Variants in MMP9 observed in about 807,000 individuals in gnomAD.
MMP9 encodes the protein matrix metalloproteinase-9.
MMP9 carries 73 observed loss-of-function variants against 76.4 expected under a neutral mutation model. The observed-to-expected ratio is 0.96, with a 90% CI of 0.79 to 1.16. MMP9 has a LOEUF of 1.16. Among genes scored for constraint, MMP9 ranks in the 50% most tolerant of loss-of-function variants. The pLI is 0.00. For synonymous variants in MMP9, 412 were observed against 408.4 expected (o/e 1.01, Z -0.11); for missense variants, 943 against 973.0 (o/e 0.97, Z 0.41).
At position 46,014,215 on chromosome 20, in the gene MMP9, C is replaced by T. The variant is rs1600577067; in HGVS notation, c.1842C>T (p.Thr614=). ...TGGGAGCCGACGTGGCCCAGGTGAC[C>T]GGGGCCCTCCGGAGTGGCAGGGGGA... The part of the protein sequence containing the change: ...LGLGADVAQV[T]GALRSGRGKM... The change falls in exon 11 of 13, where the codon ACC becomes ACT. Residue 614 remains threonine (T), a synonymous_variant. Coordinates refer to ENST00000372330, the MANE Select transcript of MMP9 (RefSeq NM_004994.3). The T allele has an allele frequency of 2.0e-6, 3 of 1,509,692 alleles. No individual in the cohort carries two copies. The highest frequency in any genetic ancestry group is 2.7e-6 in the Non-Finnish European group (3 of 1,127,822). The allele number at this position is 1,509,692 out of a possible 1,614,324, so 93.5% of individuals were successfully genotyped here.
rs1386256475 is a variant in MMP9 at position 46,011,176 on chromosome 20, C to G, written c.683C>G (p.Ala228Gly). The stretch of plus-strand genomic sequence containing the variant: ...ACTCGGTTTGGAAACGCAGATGGCG[C>G]GGCCTGCCACTTCCCCTTCATCTTC... Reference protein sequence around the residue: ...VPTRFGNADGAACHFPFIFEG... With the variant: ...VPTRFGNADGGACHFPFIFEG... The change falls in exon 5 of 13, where the codon GCG (alanine) becomes GGG (glycine). Residue 228 changes from alanine (A) to glycine (G), a missense_variant. Transcript: ENST00000372330. The G allele has an allele frequency of 6.2e-7, 1 of 1,614,140 alleles. No homozygotes were observed. Among genetic ancestry groups the G allele is most frequent in the Non-Finnish European group, 8.5e-7 (1 of 1,180,044 alleles).
rs1423148325 is a variant in MMP9, at chr20:46,013,711, T to C, written c.1665T>C (p.Leu555=). Residue 555 remains leucine, a synonymous_variant, in exon 10 of 13, where the codon CTT becomes CTC. Coordinates refer to ENST00000372330, the MANE Select transcript of MMP9 (RefSeq NM_004994.3). This position sits in a 1 kb window ranked among gnomAD's most constrained non-coding sequence, Gnocchi z 4.5. ...GRGSRPQGPF[L]IADKWPALPR... is the part of the protein sequence containing the mutation. ...GGAGCCGGCCGCAGGGCCCCTTCCT[T>C]ATCGCCGACAAGTGGCCCGCGCTGC... is the stretch of plus-strand genomic sequence containing the variant. 2 of 1,613,580 alleles carry C rather than the reference T, an allele frequency of 1.2e-6. No individual in the cohort carries two copies. Among genetic ancestry groups the C allele is most frequent in the Non-Finnish European group, 8.5e-7 (1 of 1,179,890 alleles).
rs368282794 is a variant in MMP9, at chr20:46,013,278, C to T, written c.1354C>T (p.Arg452Trp). 5 of 1,613,912 alleles carry T rather than the reference C, an allele frequency of 3.1e-6. No individual in the cohort carries two copies. The highest frequency in any genetic ancestry group is 1.7e-5 in the Admixed American group (1 of 59,994). Reference protein sequence around the residue: ...LYGPRPEPEPRPPTTTTPQPT... With the variant: ...LYGPRPEPEPWPPTTTTPQPT... ...AGGTCCTCGCCCTGAACCTGAGCCA[C>T]GGCCTCCAACCACCACCACACCGCA... Residue 452 changes from arginine (R) to tryptophan (W), a missense_variant, in exon 9 of 13, where the codon CGG becomes TGG. By Grantham distance (101) the Arg-to-Trp change is moderately radical. Coordinates refer to ENST00000372330, the MANE Select transcript of MMP9 (RefSeq NM_004994.3). This position sits in a 1 kb window ranked among gnomAD's most constrained non-coding sequence, Gnocchi z 4.5.
intron 1 of MMP9, among the ~76,000 whole-genome samples, 179 bp downstream of exon 1, chr20:46,009,243 G>T (rs1482685640): frequency 6.6e-6 from 1 of 152,138 alleles, no homozygotes; most frequent in Non-Finnish European, 1.5e-5. Context: ...GCTTTGAGCA[G>T]TGATGGCCAG....
intron 10 of MMP9, 51 bp from the exon 11 acceptor site, chr20:46,014,073 G>A (rs1420510006): frequency 5.2e-6 from 8 of 1,533,460 alleles, no homozygotes; most frequent in Non-Finnish European, 7.0e-6. Context: ...CGTTCTAGGA[G>A]TACGTGCTCC....
At position 46,012,421 on chromosome 20, in the gene MMP9, C is replaced by T; in HGVS notation, c.1175-6C>T. 2 of 1,614,084 alleles carry T rather than the reference C, an allele frequency of 1.2e-6. No homozygotes were observed. The highest frequency in any genetic ancestry group is 1.7e-6 in the Non-Finnish European group (2 of 1,179,958). Reference sequence around the variant, plus strand: ...CGCTCACGTCTCAGGCTCCCTCTCCCTCCAGGATACAGTTTGTTCCTCGTG... The same window carrying T: ...CGCTCACGTCTCAGGCTCCCTCTCCTTCCAGGATACAGTTTGTTCCTCGTG... On this transcript the variant is annotated splice_polypyrimidine_tract_variant and splice_region_variant and intron_variant, in intron 7 of 12. Transcript: ENST00000372330.
Position 46,013,712 on chromosome 20 carries a change from A to G in MMP9, c.1666A>G (p.Ile556Val). The G allele has an allele frequency of 1.2e-6, 2 of 1,613,590 alleles. No homozygotes were observed. The highest frequency in any genetic ancestry group is 1.1e-5 in the South Asian group (1 of 91,026). ...GAGCCGGCCGCAGGGCCCCTTCCTT[A>G]TCGCCGACAAGTGGCCCGCGCTGCC... is the stretch of plus-strand genomic sequence containing the variant. ...RGSRPQGPFL[I>V]ADKWPALPRK... The change falls in exon 10 of 13, where the codon ATC (isoleucine) becomes GTC (valine). Residue 556 changes from isoleucine (I) to valine (V), a missense_variant. Transcript: ENST00000372330. The surrounding 1 kb of genome is among the most constrained non-coding windows in gnomAD (Gnocchi z 4.5).
Position 46,013,870 on chromosome 20 carries a change from C to T in MMP9, c.1750+74C>T, listed in dbSNP as rs892533981. 2.5e-6 allele frequency: 4 copies of T among 1,590,256 alleles called. No individual in the cohort carries two copies. In the Admixed American group the frequency reaches 5.2e-5, roughly 20 times the overall value. On this transcript the variant is annotated intron_variant, in intron 10 of 12. Transcript: ENST00000372330. The surrounding 1 kb of genome is among the most constrained non-coding windows in gnomAD (Gnocchi z 4.5). ...AGGAGGCTCAAGAGACCATCGATAA[C>T]CCACGAAACGTCTTGTGCGTTTTAG...
rs1402945575 is a variant in MMP9, at chr20:46,009,905, A to G, written c.178A>G (p.Met60Val). ...YRYGYTRVAE[M>V]RGESKSLGPA... The stretch of plus-strand genomic sequence containing the variant: ...CTATGGTTACACTCGGGTGGCAGAG[A>G]TGCGTGGAGAGTCGAAATCTCTGGG... The change falls in exon 2 of 13, where the codon ATG becomes GTG. Residue 60 changes from methionine to valine, a missense_variant. Coordinates refer to ENST00000372330, the MANE Select transcript of MMP9 (RefSeq NM_004994.3). The G allele has an allele frequency of 1.3e-6, 2 of 1,552,076 alleles. No homozygotes were observed. The highest frequency in any genetic ancestry group is 1.7e-6 in the Non-Finnish European group (2 of 1,147,260).
chr20:46,009,970 C>G lies in MMP9; in HGVS notation c.243C>G (p.Pro81=), dbSNP rs200849957. The G allele has an allele frequency of 2.6e-6, 4 of 1,551,862 alleles. No individual in the cohort carries two copies. Among genetic ancestry groups the G allele is most frequent in the African/African-American group, 1.4e-5 (1 of 73,154 alleles). Residue 81 remains proline, a synonymous_variant, in exon 2 of 13, where the codon CCC becomes CCG. Transcript: ENST00000372330. ...TTCTCCAGAAGCAACTGTCCCTGCC[C>G]GAGACCGGTGAGCTGGATAGCGCCA... is the stretch of plus-strand genomic sequence containing the variant. ...LLLLQKQLSL[P]ETGELDSATL...
At chr20:46,012,010 C>A in intron 6 of MMP9, 127 bp from the exon 7 acceptor site, 1 of 1,303,104 alleles carries the variant, frequency 7.7e-7, no homozygotes, top group Non-Finnish European at 1.1e-6. Context: ...ACGGGTCTAG[C>A]CTCTTCTCAG....
intron 2 of MMP9, among the ~76,000 whole-genome samples, 153 bp from the exon 3 acceptor site, chr20:46,010,330 A>AAAAAACAAAACAAAAC (rs1555856941): frequency 0.012 from 1,254 of 101,928 alleles, 69 homozygotes; most frequent in African/African-American, 0.044. Flanking sequence ...ACAAAAAAAA[A>AAAAAACAAAACAAAAC]AAAAAAAAAA....
intron 5 of MMP9, 109 bp downstream of exon 5, chr20:46,011,425 C>T (rs2084277982): frequency 6.4e-7 from 1 of 1,568,228 alleles, no homozygotes; most frequent in Non-Finnish European, 8.7e-7. Context: ...TTCACCCTCC[C>T]GCACTCTGGG....
chr20:46,010,836 C>A (rs2084273877), intron 3 of MMP9, 86 bp from the exon 4 acceptor site: 1 of 1,610,386 alleles, frequency 6.2e-7, no homozygotes, highest in Non-Finnish European at 8.5e-7. Flanking sequence ...TCAGCCCGCA[C>A]TTATTTCGGA....
rs759377117 is a variant in MMP9, at chr20:46,009,073, A to G, written c.138+9A>G. 3 of 1,613,066 alleles carry G rather than the reference A, an allele frequency of 1.9e-6. No individual in the cohort carries two copies. Among genetic ancestry groups the G allele is most frequent in the Non-Finnish European group, 2.5e-6 (3 of 1,179,534 alleles). On this transcript the variant is annotated intron_variant, in intron 1 of 12. Transcript: ENST00000372330. ...ACAGGCAGCTGGCAGAGGTGGGCAA[A>G]CACCTAGTCTAGAGTTGGGGAGGGC... is the stretch of plus-strand genomic sequence containing the variant.
rs1440845327 is a variant in MMP9 at position 46,010,609 on chromosome 20, C to T, written c.498C>T (p.Ile166=). The T allele has an allele frequency of 1.9e-6, 3 of 1,613,864 alleles. No individual in the cohort carries two copies. Among genetic ancestry groups the T allele is most frequent in the East Asian group, 2.2e-5 (1 of 44,866 alleles). ...FTRVYSRDAD[I]VIQFGVAEHG... ...GCGTGTACAGCCGGGACGCAGACAT[C>T]GTCATCCAGTTTGGTGTCGCGGGTG... The change falls in exon 3 of 13, where the codon ATC becomes ATT. Residue 166 remains isoleucine, a synonymous_variant. Coordinates refer to ENST00000372330, the MANE Select transcript of MMP9 (RefSeq NM_004994.3).
Position 46,013,704 on chromosome 20 carries a change from C to T in MMP9, c.1658C>T (p.Pro553Leu), listed in dbSNP as rs926968908. Reference protein sequence around the residue: ...SEGRGSRPQGPFLIADKWPAL... With the variant: ...SEGRGSRPQGLFLIADKWPAL... Reference sequence around the variant, plus strand: ...GGCAGGGGGAGCCGGCCGCAGGGCCCCTTCCTTATCGCCGACAAGTGGCCC... The same window carrying T: ...GGCAGGGGGAGCCGGCCGCAGGGCCTCTTCCTTATCGCCGACAAGTGGCCC... Residue 553 changes from proline (P) to leucine (L), a missense_variant, in exon 10 of 13, where the codon CCC (proline) becomes CTC (leucine). Transcript: ENST00000372330. The surrounding 1 kb of genome is among the most constrained non-coding windows in gnomAD (Gnocchi z 4.5). 9.3e-6 allele frequency: 15 copies of T among 1,613,632 alleles called. No homozygotes were observed. Among genetic ancestry groups the T allele is most frequent in the Non-Finnish European group, 1.3e-5 (15 of 1,179,918 alleles).
intron 11 of MMP9, 39 bp from the exon 12 acceptor site, chr20:46,014,332 A>G: frequency 1.3e-6 from 2 of 1,542,374 alleles, no homozygotes; most frequent in Middle Eastern, 1.7e-4. Context: ...TCCGTCCGCT[A>G]GCCGGCTCAG....
chr20:46,011,491 T>G (rs2084278158), intron 5 of MMP9, 83 bp from the exon 6 acceptor site: 5 of 1,590,506 alleles, frequency 3.1e-6, no homozygotes, highest in Non-Finnish European at 4.3e-6. Context: ...AGACCATCCA[T>G]GGGTCAAAGA....
Sources: gnomAD v4.1 joint callset for allele counts (sites outside exome capture counted in the v4.1 genomes callset) on GRCh38, gnomAD v4.1.1 for gene constraint, Gnocchi (gnomAD v3.1) non-coding constraint, MANE v1.5 for transcripts, NCBI Gene and HGNC (gene_info 2026-07-23, HGNC 2026-07-21) for gene names.